The following TBC1D30 variants were observed in gnomAD, a reference collection of about 807,000 sequenced individuals.
TBC1D30 encodes the protein TBC1 domain family, member 30.
In TBC1D30, 31 loss-of-function variants were observed where a neutral mutation model predicts 63.2. The ratio of observed to expected loss-of-function variants is 0.49; its 90% CI spans 0.37 to 0.66. TBC1D30 has a LOEUF of 0.66. Ranked by LOEUF, TBC1D30 falls within the 30% of genes least tolerant of loss-of-function variation. TBC1D30 has a pLI of 0.00. For synonymous variants in TBC1D30, 307 were observed against 361.5 expected (o/e 0.85, Z 1.71); for missense variants, 810 against 953.6 (o/e 0.85, Z 1.98).
Position 64,867,203 on chromosome 12 carries a change from C to A in TBC1D30, c.1291+300C>A, listed in dbSNP as rs952765865. Among the ~76,000 whole-genome samples, 6 of 151,960 alleles carry A rather than the reference C, an allele frequency of 3.9e-5. No individual in the cohort carries two copies. The South Asian group carries it at 1.2e-3, about 32-fold the overall frequency. ...TTACTAGGCTGGGTGTGGTGGCTCA[C>A]GCTTGTAATCCCAGCACTTTGGGAG... On this transcript the variant is annotated intron_variant, in intron 10 of 11. Transcript: ENST00000539867.
chr12:64,761,852 C>T (rs1194810882), intron 1 of TBC1D30, among the ~76,000 whole-genome samples: 1 of 152,170 alleles, frequency 6.6e-6, no homozygotes, highest in Non-Finnish European at 1.5e-5. Flanking sequence ...CTTCCTTGCT[C>T]GAGATCCAAG....
intron 2 of TBC1D30, among the ~76,000 whole-genome samples, chr12:64,807,918 G>GTGTTTTTTTTTTTT (rs777402054): frequency 2.1e-5 from 2 of 93,526 alleles, no homozygotes; most frequent in African/African-American, 1.1e-4. Context: ...CCTAATTTAA[G>GTGTTTTTTTTTTTT]TTTTTTTTTT....
At position 64,816,957 on chromosome 12, in the gene TBC1D30, T is replaced by C. The variant is rs763520377; in HGVS notation, c.644-10878T>C. ...GATCCTCCTGCCTCAGTCCACCAAG[T>C]AGCTGGGACTACAGGTGTGAGCCAC... On this transcript the variant is annotated intron_variant, in intron 2 of 12. Coordinates refer to the TBC1D30 transcript ENST00000542120. Among the ~76,000 whole-genome samples, 20 of 152,276 alleles carry C rather than the reference T, an allele frequency of 1.3e-4. No individual in the cohort carries two copies. In the Middle Eastern group the frequency reaches 0.01, roughly 78 times the overall value.
intron 1 of TBC1D30, among the ~76,000 whole-genome samples, chr12:64,774,545 A>G (rs1871009324): frequency 6.6e-6 from 1 of 152,134 alleles, no homozygotes; most frequent in Non-Finnish European, 1.5e-5. Context: ...CTAGAGAGAA[A>G]AGCCAGGTCA....
At position 64,824,715 on chromosome 12, in the gene TBC1D30, G is replaced by T; in HGVS notation, c.-165G>T. Reference sequence around the variant, plus strand: ...CGCTCGGCGGCTCCCGCGGTGCCCCGTAAGTCCCCGTGACCCTCCAGCACC... The same window carrying T: ...CGCTCGGCGGCTCCCGCGGTGCCCCTTAAGTCCCCGTGACCCTCCAGCACC... On this transcript the variant is annotated 5_prime_UTR_variant, in exon 1 of 12. Coordinates refer to ENST00000539867, the MANE Select transcript of TBC1D30 (RefSeq NM_015279.2). The T allele has an allele frequency of 2.1e-6, 2 of 963,770 alleles. No homozygotes were observed. The highest frequency in any genetic ancestry group is 2.9e-6 in the Non-Finnish European group (2 of 686,626). The allele number at this position is 963,770 out of a possible 1,614,324, so 59.7% of individuals were successfully genotyped here. A position where few individuals can be genotyped will look rare whatever the true frequency, so the allele number is the denominator to read the frequency against.
chr12:64,818,440 A>AT (rs869243652), intron 2 of TBC1D30: 47,682 of 746,012 alleles, frequency 0.064, 140 homozygotes, highest in African/African-American at 0.099. Flanking sequence ...ACTGTAAACT[A>AT]TTTTTTTTTT....
At chr12:64,781,031 A>C (rs1329814195) in exon 1 of TBC1D30, 2 of 1,027,178 alleles carry the variant, frequency 1.9e-6, no homozygotes, top group Non-Finnish European at 2.3e-6. Flanking sequence ...CGGCGGCCGC[A>C]CAAGCCGCAC....
chr12:64,818,076 A>AT (rs1251448701), intron 2 of TBC1D30, among the ~76,000 whole-genome samples: 5 of 151,838 alleles, frequency 3.3e-5, no homozygotes, highest in African/African-American at 1.2e-4. Context: ...AAAAAAAAAA[A>AT]AATCTTAGAA....
intron 7 of TBC1D30, among the ~76,000 whole-genome samples, chr12:64,841,035 T>G (rs1390557600): frequency 1.3e-5 from 2 of 152,150 alleles, no homozygotes; most frequent in Non-Finnish European, 2.9e-5. Flanking sequence ...TAAGAAAATT[T>G]CCCCAGGAAG....
At chr12:64,761,458 TAGG>T (rs1008529475) in intron 1 of TBC1D30, among the ~76,000 whole-genome samples, 17 of 152,120 alleles carry the variant, frequency 1.1e-4, no homozygotes, top group Non-Finnish European at 2.2e-4. Context: ...CAGGATGAGA[TAGG>T]AGGTCATAAA....
At chr12:64,775,101 A>AT (rs1356640420) in intron 1 of TBC1D30, among the ~76,000 whole-genome samples, 16 of 145,018 alleles carry the variant, frequency 1.1e-4, no homozygotes, top group East Asian at 3.9e-4. Flanking sequence ...TCAAAAAAAA[A>AT]AAAATATATA....
chr12:64,865,105 A>C (rs890398444), intron 9 of TBC1D30, among the ~76,000 whole-genome samples: 8 of 151,814 alleles, frequency 5.3e-5, no homozygotes, highest in Admixed American at 6.6e-5. Context: ...AAAAACTGTG[A>C]AGACCAAAAA....
chr12:64,776,484 A>G (rs559054570), upstream of TBC1D30, among the ~76,000 whole-genome samples: 2 of 152,356 alleles, frequency 1.3e-5, no homozygotes, highest in East Asian at 1.9e-4. Flanking sequence ...GAATACATCT[A>G]TGCACATAAA....
chr12:64,811,317 G>T, intron 2 of TBC1D30, among the ~76,000 whole-genome samples: 1 of 152,214 alleles, frequency 6.6e-6, no homozygotes, highest in Non-Finnish European at 1.5e-5. Flanking sequence ...CCCTGCATGG[G>T]AGGGAACACA....
chr12:64,808,122 A>G (rs1168442517), intron 2 of TBC1D30, among the ~76,000 whole-genome samples: 1 of 151,830 alleles, frequency 6.6e-6, no homozygotes, highest in Non-Finnish European at 1.5e-5. Context: ...TCTCCTTCAG[A>G]TGGCTCCTTC....
chr12:64,835,283 GC>G (rs1237114394), intron 5 of TBC1D30, among the ~76,000 whole-genome samples: 8 of 152,130 alleles, frequency 5.3e-5, no homozygotes, highest in South Asian at 2.1e-4. Context: ...GCATGCCCCT[GC>G]CCTACTGACT....
chr12:64,828,577 G>T, intron 3 of TBC1D30, 68 bp downstream of exon 3: 1 of 1,034,396 alleles, frequency 9.7e-7, no homozygotes, highest in Admixed American at 2.4e-5. Flanking sequence ...CCTCTGGAAT[G>T]TCAAAAAATA....
chr12:64,762,027 G>GA (rs2136265274), intron 1 of TBC1D30, among the ~76,000 whole-genome samples: 1 of 152,308 alleles, frequency 6.6e-6, no homozygotes, highest in South Asian at 2.1e-4. Flanking sequence ...TGCTATGAAG[G>GA]AAAAGTAAAG....
At chr12:64,799,001 G>C (rs1234045586) in intron 2 of TBC1D30, among the ~76,000 whole-genome samples, 5 of 151,938 alleles carry the variant, frequency 3.3e-5, no homozygotes, top group African/African-American at 1.2e-4. Context: ...TTTTAGTAGA[G>C]ACGGGGTTTC....
Sources: allele counts gnomAD v4.1 joint callset (sites outside exome capture counted in the v4.1 genomes callset), GRCh38; gene constraint gnomAD v4.1.1; transcripts MANE v1.5; gene names NCBI Gene and HGNC (gene_info 2026-07-23, HGNC 2026-07-21).